The following RAPGEF4 variants were observed in gnomAD, a reference collection of about 807,000 sequenced individuals.
RAPGEF4 encodes Rap guanine nucleotide exchange factor 4.
Under a neutral mutation model 147.9 loss-of-function variants are expected in RAPGEF4, and 66 were observed. The observed-to-expected ratio is 0.45, with a 90% confidence interval of 0.37 to 0.55. The LOEUF is 0.55. RAPGEF4 is among the 20% of genes least tolerant of loss of function. The pLI is 0.00. For synonymous variants in RAPGEF4, 419 were observed against 442.7 expected (o/e 0.95, Z 0.67); for missense variants, 1,071 against 1,257.3 (o/e 0.85, Z 2.24).
At chr2:172,974,531 A>C (rs1690863485) in intron 10 of RAPGEF4, among the ~76,000 whole-genome samples, 1 of 152,150 alleles carries the variant, frequency 6.6e-6, no homozygotes, top group Non-Finnish European at 1.5e-5. Flanking sequence ...AAAAAATACA[A>C]AAATCAGCCA....
intron 4 of RAPGEF4, among the ~76,000 whole-genome samples, chr2:172,875,790 A>T (rs930913918): frequency 2.0e-5 from 3 of 152,108 alleles, no homozygotes; most frequent in Non-Finnish European, 4.4e-5. Flanking sequence ...AAAGTCATTG[A>T]TGTAGCTTGA....
At position 173,042,440 on chromosome 2, in the gene RAPGEF4, T is replaced by C. The variant is rs1236683320; in HGVS notation, c.2853+5748T>C. On this transcript the variant is annotated intron_variant, in intron 29 of 30. Transcript: ENST00000397081. This position sits in a 1 kb window ranked among gnomAD's most constrained non-coding sequence, Gnocchi z 4.2. ...TGGGGTCAGGAGTTCAAGACCAGCCTGGTAAAACCCCATCTCTACTAAAAA... is the reference window on the plus strand; with the variant it reads ...TGGGGTCAGGAGTTCAAGACCAGCCCGGTAAAACCCCATCTCTACTAAAAA... 6.6e-6 allele frequency among the ~76,000 whole-genome samples: 1 copy of C among 152,056 alleles called. No individual in the cohort carries two copies. Among genetic ancestry groups the C allele is most frequent in the Non-Finnish European group, 1.5e-5 (1 of 68,006 alleles).
At chr2:172,981,086 G>A (rs140730472) in intron 10 of RAPGEF4, among the ~76,000 whole-genome samples, 12 of 152,270 alleles carry the variant, frequency 7.9e-5, no homozygotes, top group East Asian at 1.9e-4. Context: ...ATTTTAGAGC[G>A]GAATTCTAAG....
intron 6 of RAPGEF4, among the ~76,000 whole-genome samples, chr2:172,934,126 A>G (rs1412801596): frequency 6.6e-6 from 1 of 150,410 alleles, no homozygotes; most frequent in Non-Finnish European, 1.5e-5. Flanking sequence ...AGTAGAAAAA[A>G]TAACTATATT....
chr2:172,972,968 A>G (rs1380846233), intron 10 of RAPGEF4, among the ~76,000 whole-genome samples: 1 of 152,184 alleles, frequency 6.6e-6, no homozygotes, highest in Non-Finnish European at 1.5e-5. Context: ...ACTTAATAAC[A>G]TATCACAGCA....
chr2:172,894,478 C>T (rs1466223414), intron 4 of RAPGEF4: 1 of 152,192 alleles, frequency 6.6e-6, no homozygotes, highest in African/African-American at 2.4e-5. Context: ...CACTGTTACA[C>T]TTTTCTTTCT....
intron 4 of RAPGEF4, among the ~76,000 whole-genome samples, chr2:172,852,616 A>G (rs945957619): frequency 1.3e-5 from 2 of 152,078 alleles, no homozygotes; most frequent in Middle Eastern, 3.2e-3. Context: ...TCTAATCTTT[A>G]TGCCTCTGAC....
chr2:172,862,796 A>G (rs1408862213), intron 4 of RAPGEF4, among the ~76,000 whole-genome samples: 3 of 152,202 alleles, frequency 2.0e-5, no homozygotes, highest in African/African-American at 7.2e-5. Context: ...CCTTTGTGAA[A>G]TGAAGAAAGT....
chr2:172,746,217 A>C (rs974277120), intron 1 of RAPGEF4, among the ~76,000 whole-genome samples: 1 of 152,248 alleles, frequency 6.6e-6, no homozygotes, highest in African/African-American at 2.4e-5. Flanking sequence ...CTGGGGGAAA[A>C]TTACATTCTT....
intron 4 of RAPGEF4, among the ~76,000 whole-genome samples, chr2:172,914,009 G>A (rs892954834): frequency 1.3e-5 from 2 of 152,126 alleles, no homozygotes; most frequent in Non-Finnish European, 2.9e-5. Flanking sequence ...TATACACCAT[G>A]CTGTAGTTTG....
intron 12 of RAPGEF4, 27 bp downstream of exon 12, chr2:172,985,520 T>A: frequency 6.2e-7 from 1 of 1,607,796 alleles, no homozygotes; most frequent in Non-Finnish European, 8.5e-7. Context: ...ACTGGAACCT[T>A]GCGCCTGGCC....
chr2:173,003,517 A>G (rs1342658628), intron 17 of RAPGEF4, among the ~76,000 whole-genome samples: 1 of 152,092 alleles, frequency 6.6e-6, no homozygotes, highest in African/African-American at 2.4e-5. Context: ...GCATGCTAAG[A>G]GCATTGACCA....
At chr2:172,845,076 T>C (rs894480800) in intron 4 of RAPGEF4, among the ~76,000 whole-genome samples, 1 of 152,104 alleles carries the variant, frequency 6.6e-6, no homozygotes, top group Non-Finnish European at 1.5e-5. Flanking sequence ...GTAATACAAA[T>C]GGTATTGATG....
At chr2:172,735,762 G>C (rs1296529455), upstream of RAPGEF4, 1 of 189,628 alleles carries the variant, frequency 5.3e-6, no homozygotes, top group Non-Finnish European at 1.0e-5. Context: ...CGGGCGACTC[G>C]GCCCTCCCCG....
chr2:172,801,968 CT>C (rs1687029708), intron 3 of RAPGEF4, among the ~76,000 whole-genome samples: 1 of 152,128 alleles, frequency 6.6e-6, no homozygotes, highest in Non-Finnish European at 1.5e-5. Flanking sequence ...GGGTGTGGCC[CT>C]CCCTCCAAAG....
At chr2:172,767,941 GCTGGGATTACAGGCGC>G (rs1230299768) in intron 1 of RAPGEF4, among the ~76,000 whole-genome samples, 2 of 152,100 alleles carry the variant, frequency 1.3e-5, no homozygotes, top group East Asian at 3.9e-4. Flanking sequence ...CTCCCGAGTA[GCTGGGATTACAGGCGC>G]CTGCCACCGT....
rs545602474 is a variant in RAPGEF4, at chr2:173,044,795, C to T, written c.2854-3805C>T. On this transcript the variant is annotated intron_variant, in intron 29 of 30. Transcript: ENST00000397081. ...GGGGCATGTTTGCCCCACATTTACT[C>T]CTGAATTACCAGTTGCTGTCTTAAT... Among the ~76,000 whole-genome samples the T allele has an allele frequency of 1.1e-4, 17 of 152,270 alleles. No homozygotes were observed. In the South Asian group the frequency reaches 2.7e-3, roughly 24 times the overall value.
chr2:173,021,197 T>C (rs1696051003), intron 23 of RAPGEF4, among the ~76,000 whole-genome samples: 2 of 152,206 alleles, frequency 1.3e-5, no homozygotes, highest in Admixed American at 1.3e-4. Context: ...AAACACTTGT[T>C]ACCCAGCATA....
chr2:172,988,818 G>A lies in RAPGEF4; in HGVS notation c.1353G>A (p.Glu451=), dbSNP rs757981588. The A allele has an allele frequency of 2.6e-5, 42 of 1,613,876 alleles. No homozygotes were observed. Among genetic ancestry groups the A allele is most frequent in the Non-Finnish European group, 3.3e-5 (39 of 1,179,972 alleles). ...DNCHFLRVDK[E]DFNRILRDVE... is the part of the protein sequence containing the mutation. Reference sequence around the variant, plus strand: ...GCCATTTCTTAAGAGTAGACAAGGAGGATTTCAACCGGATCCTAAGGGTGA... The same window carrying A: ...GCCATTTCTTAAGAGTAGACAAGGAAGATTTCAACCGGATCCTAAGGGTGA... Residue 451 remains glutamate, a synonymous_variant, in exon 14 of 31, where the codon GAG becomes GAA. Transcript: ENST00000397081.
Sources: allele counts gnomAD v4.1 joint callset (sites outside exome capture counted in the v4.1 genomes callset), GRCh38; gene constraint gnomAD v4.1.1; non-coding constraint Gnocchi (gnomAD v3.1); transcripts MANE v1.5; gene names NCBI Gene and HGNC (gene_info 2026-07-23, HGNC 2026-07-21).